The following STPG2 variants were observed in gnomAD, a reference collection of about 807,000 sequenced individuals.
STPG2 encodes the protein sperm tail PG-rich repeat containing 2, also known as sperm-tail PG-rich repeat-containing protein 2.
In STPG2, 56 loss-of-function variants were observed where a neutral mutation model predicts 54.2. The ratio of observed to expected loss-of-function variants is 1.03; its 90% CI spans 0.83 to 1.29. The LOEUF (loss-of-function observed/expected upper bound fraction) is 1.29. Among genes scored for constraint, STPG2 ranks in the 50% most tolerant of loss-of-function variants. The pLI, the probability that STPG2 is intolerant of heterozygous loss-of-function variation, is 0.00. For missense variants in STPG2, 596 were observed against 544.9 expected (o/e 1.09, Z -0.93); for synonymous variants, 200 against 181.8 (o/e 1.10, Z -0.81).
intron 9 of STPG2, among the ~76,000 whole-genome samples, chr4:97,758,935 G>T (rs770569031): frequency 6.6e-6 from 1 of 152,036 alleles, no homozygotes; most frequent in Non-Finnish European, 1.5e-5. Context: ...GCAGGAAGCT[G>T]GGGATAATAA....
intron 5 of STPG2, among the ~76,000 whole-genome samples, chr4:98,105,034 A>C (rs1830231): frequency 0.39 from 59,878 of 151,806 alleles, 12,004 homozygotes; most frequent in African/African-American, 0.45. Context: ...CATACTTCAA[A>C]GACTCATACG....
intron 5 of STPG2, among the ~76,000 whole-genome samples, chr4:98,093,184 T>C (rs999070393): frequency 1.3e-5 from 2 of 152,170 alleles, no homozygotes; most frequent in Non-Finnish European, 2.9e-5. Flanking sequence ...TTAAAGACTT[T>C]GTTAATATTA....
chr4:97,669,875 TACATATTAA>T (rs959412462), intron 10 of STPG2, among the ~76,000 whole-genome samples: 20 of 152,094 alleles, frequency 1.3e-4, no homozygotes, highest in African/African-American at 4.8e-4. Flanking sequence ...AATGAGGTTA[TACATATTAA>T]AAGAGTTACA....
At chr4:97,833,253 G>C (rs1162789732) in intron 9 of STPG2, among the ~76,000 whole-genome samples, 1 of 151,772 alleles carries the variant, frequency 6.6e-6, no homozygotes, top group Non-Finnish European at 1.5e-5. Context: ...AAAAGCAATG[G>C]GGAAAGATTC....
chr4:97,682,908 C>T (rs943841628), intron 10 of STPG2, among the ~76,000 whole-genome samples: 2 of 151,700 alleles, frequency 1.3e-5, no homozygotes, highest in Non-Finnish European at 3.0e-5. Flanking sequence ...CAGTGGTCCA[C>T]AGTAGTAGGA....
At position 97,685,668 on chromosome 4, in the gene STPG2, C is replaced by T. The variant is rs936474214; in HGVS notation, c.1320+27031G>A. Among the ~76,000 whole-genome samples, 5 of 152,092 alleles carry T rather than the reference C, an allele frequency of 3.3e-5. No homozygotes were observed. In the East Asian group the frequency reaches 9.6e-4, roughly 29 times the overall value. On this transcript the variant is annotated intron_variant, in intron 10 of 10. Coordinates refer to ENST00000295268, the MANE Select transcript of STPG2 (RefSeq NM_174952.3). ...TAGAAACCCATAGAACTCTACAACA[C>T]AGAGTAAACACTAATGTAAATTATG...
intron 5 of STPG2, among the ~76,000 whole-genome samples, chr4:98,043,908 T>G (rs1737039899): frequency 1.3e-5 from 2 of 152,008 alleles, no homozygotes; most frequent in Admixed American, 6.6e-5. Flanking sequence ...TTTTTTCTGC[T>G]CCTCTCCCTC....
intron 8 of STPG2, among the ~76,000 whole-genome samples, chr4:97,904,084 G>C (rs535933451): frequency 6.6e-6 from 1 of 152,352 alleles, no homozygotes; most frequent in East Asian, 1.9e-4. Context: ...AGCTCGAACT[G>C]GGTGGAGCCC....
At chr4:97,979,635 C>T (rs778163125) in intron 6 of STPG2, among the ~76,000 whole-genome samples, 1 of 152,052 alleles carries the variant, frequency 6.6e-6, no homozygotes, top group African/African-American at 2.4e-5. Flanking sequence ...GCTTGTAATC[C>T]CAATACTTTG....
chr4:97,890,608 C>T (rs1730733143), intron 8 of STPG2, among the ~76,000 whole-genome samples: 2 of 151,750 alleles, frequency 1.3e-5, no homozygotes, highest in South Asian at 4.2e-4. Context: ...GGAATAATGT[C>T]TAATATTCAA....
chr4:97,978,341 G>A (rs1429095665), intron 6 of STPG2, among the ~76,000 whole-genome samples: 1 of 152,142 alleles, frequency 6.6e-6, no homozygotes, highest in East Asian at 1.9e-4. Flanking sequence ...AAAAAAGAAT[G>A]AGATCAAGTC....
chr4:98,087,380 A>G (rs993899389), intron 5 of STPG2, among the ~76,000 whole-genome samples: 9 of 152,108 alleles, frequency 5.9e-5, no homozygotes, highest in Non-Finnish European at 1.0e-4. Flanking sequence ...TATTTATTTA[A>G]TCAGGGTTCT....
intron 5 of STPG2, among the ~76,000 whole-genome samples, chr4:98,018,177 C>G (rs1736032673): frequency 6.6e-6 from 1 of 152,162 alleles, no homozygotes; most frequent in South Asian, 2.1e-4. Context: ...CCATCCCCAC[C>G]CCACAACAGT....
intron 8 of STPG2, among the ~76,000 whole-genome samples, chr4:97,895,916 T>A (rs1349213308): frequency 4.0e-5 from 6 of 151,720 alleles, no homozygotes; most frequent in Non-Finnish European, 7.4e-5. Context: ...AAAATATAAT[T>A]TCACAAGTTC....
intron 10 of STPG2, among the ~76,000 whole-genome samples, chr4:97,709,098 G>C (rs1381603676): frequency 6.6e-6 from 1 of 151,644 alleles, no homozygotes; most frequent in Non-Finnish European, 1.5e-5. Context: ...AAACTTCTAA[G>C]TGCACAATTT....
intron 9 of STPG2, among the ~76,000 whole-genome samples, chr4:97,753,235 C>T (rs1207261283): frequency 6.6e-6 from 1 of 151,928 alleles, no homozygotes. Context: ...TAGTAACCTA[C>T]CTTTTCTCCT....
At chr4:97,770,577 T>C (rs1049035785) in intron 9 of STPG2, among the ~76,000 whole-genome samples, 3 of 152,108 alleles carry the variant, frequency 2.0e-5, no homozygotes, top group African/African-American at 7.2e-5. Flanking sequence ...AACATGAGAA[T>C]GAACTGTAGA....
intron 9 of STPG2, among the ~76,000 whole-genome samples, chr4:97,799,652 T>C (rs190776058): frequency 1.3e-5 from 2 of 152,278 alleles, no homozygotes; most frequent in East Asian, 3.9e-4. Flanking sequence ...AAACTGACAA[T>C]TATGTGTCTT....
chr4:97,967,246 C>T (rs1042532147), intron 7 of STPG2, among the ~76,000 whole-genome samples: 7 of 143,786 alleles, frequency 4.9e-5, no homozygotes, highest in Admixed American at 1.4e-4. Flanking sequence ...AGACTTTAAA[C>T]GAACAAAGTT....
Sources: allele counts gnomAD v4.1 joint callset (sites outside exome capture counted in the v4.1 genomes callset), GRCh38; gene constraint gnomAD v4.1.1; transcripts MANE v1.5; gene names NCBI Gene and HGNC (gene_info 2026-07-23, HGNC 2026-07-21).